Variants in NAV3 observed in about 807,000 individuals in gnomAD.
NAV3 encodes the protein neuron navigator 3, also known as pore membrane and/or filament interacting like protein 1.
Under a neutral mutation model 244.7 loss-of-function variants are expected in NAV3, and 87 were observed. The ratio of observed to expected loss-of-function variants is 0.36; its 90% confidence interval spans 0.30 to 0.42. The LOEUF is 0.42. Among genes scored for constraint, NAV3 ranks in the 20% least tolerant of loss-of-function variants. The pLI, the probability that NAV3 is intolerant of heterozygous loss-of-function variation, is 1.00. For synonymous variants in NAV3, 1,126 were observed against 1,042.2 expected (o/e 1.08, Z -1.55); for missense variants, 2,663 against 2,893.3 (o/e 0.92, Z 1.83).
chr12:77,839,017 T>C (rs541702009), intron 1 of NAV3, among the ~76,000 whole-genome samples: 1 of 152,342 alleles, frequency 6.6e-6, no homozygotes, highest in East Asian at 1.9e-4. Context: ...CAATGCATCA[T>C]TGGACCAAGA....
chr12:78,148,516 T>C (rs979471944), intron 21 of NAV3, among the ~76,000 whole-genome samples: 1 of 146,858 alleles, frequency 6.8e-6, no homozygotes, highest in African/African-American at 2.4e-5. Flanking sequence ...TTTTCTACAG[T>C]TTTATTACCA....
intron 2 of NAV3, among the ~76,000 whole-genome samples, chr12:77,745,201 A>T (rs1290003446): frequency 2.6e-5 from 4 of 152,098 alleles, no homozygotes; most frequent in Non-Finnish European, 5.9e-5. Flanking sequence ...CAAATTAGTC[A>T]TTAAAACCAA....
intron 22 of NAV3, among the ~76,000 whole-genome samples, chr12:78,152,678 G>A (rs952320217): frequency 1.3e-5 from 2 of 151,872 alleles, no homozygotes; most frequent in Non-Finnish European, 2.9e-5. Context: ...ATCTGTTAAT[G>A]TATGTAATAT....
intron 2 of NAV3, among the ~76,000 whole-genome samples, chr12:77,735,295 C>T (rs1455989442): frequency 2.0e-5 from 3 of 151,866 alleles, no homozygotes; most frequent in African/African-American, 7.3e-5. Context: ...AAATATTTGC[C>T]TCTGAGTATA....
At chr12:78,190,744 G>A (rs754205090) in intron 34 of NAV3, among the ~76,000 whole-genome samples, 1 of 152,092 alleles carries the variant, frequency 6.6e-6, no homozygotes, top group Non-Finnish European at 1.5e-5. Context: ...AGGAACCTTA[G>A]GAAAGTTAAC....
chr12:77,750,922 A>T (rs955440942), intron 2 of NAV3, among the ~76,000 whole-genome samples: 13 of 152,228 alleles, frequency 8.5e-5, no homozygotes, highest in Admixed American at 5.9e-4. Context: ...TTTGCTTAGA[A>T]TTGAAAATGA....
chr12:77,589,700 C>T (rs1869816318), intron 2 of NAV3, among the ~76,000 whole-genome samples: 1 of 152,220 alleles, frequency 6.6e-6, no homozygotes, highest in African/African-American at 2.4e-5. Context: ...AGTTCCCTCC[C>T]ACCACATGTG....
At chr12:77,931,502 T>G (rs1322027054) in intron 1 of NAV3, among the ~76,000 whole-genome samples, 1 of 152,146 alleles carries the variant, frequency 6.6e-6, no homozygotes, top group Non-Finnish European at 1.5e-5. Context: ...TATCTCCATT[T>G]TATTTCAGAG....
chr12:77,620,917 A>T (rs1029761678), intron 2 of NAV3, among the ~76,000 whole-genome samples: 2 of 152,244 alleles, frequency 1.3e-5, no homozygotes, highest in African/African-American at 4.8e-5. Context: ...GGAATTAATT[A>T]AAAGAGCTCA....
At chr12:78,053,599 T>C (rs1340494951) in intron 11 of NAV3, among the ~76,000 whole-genome samples, 1 of 152,146 alleles carries the variant, frequency 6.6e-6, no homozygotes, top group Non-Finnish European at 1.5e-5. Flanking sequence ...TGAAGACTGC[T>C]TGCAATTAGG....
chr12:77,630,144 T>C (rs1871822145), intron 2 of NAV3, among the ~76,000 whole-genome samples: 1 of 152,054 alleles, frequency 6.6e-6, no homozygotes, highest in Admixed American at 6.6e-5. Context: ...TAAAGTAAGA[T>C]AGGGAAGCTA....
intron 34 of NAV3, among the ~76,000 whole-genome samples, chr12:78,194,249 A>G (rs2139941885): frequency 6.6e-6 from 1 of 152,118 alleles, no homozygotes; most frequent in South Asian, 2.1e-4. Flanking sequence ...CACATATTAT[A>G]AGTTTATCCT....
chr12:77,723,243 A>C (rs547428592), intron 2 of NAV3, among the ~76,000 whole-genome samples: 4 of 148,374 alleles, frequency 2.7e-5, no homozygotes, highest in African/African-American at 9.7e-5. Context: ...TAAGCCCTAC[A>C]TTTTACAGAA....
At chr12:78,054,071 T>C (rs943738022) in intron 11 of NAV3, among the ~76,000 whole-genome samples, 2 of 152,126 alleles carry the variant, frequency 1.3e-5, no homozygotes, top group Non-Finnish European at 2.9e-5. Context: ...GGATAAAAAT[T>C]GAGCTAAGAG....
At chr12:77,579,455 A>C (rs1482834245) in intron 2 of NAV3, among the ~76,000 whole-genome samples, 1 of 152,224 alleles carries the variant, frequency 6.6e-6, no homozygotes, top group Non-Finnish European at 1.5e-5. Context: ...AGGTGCTGGC[A>C]CCTGGTGAGG....
Position 77,778,500 on chromosome 12 carries a change from T to A in NAV3, c.73-161819T>A, listed in dbSNP as rs190882361. On this transcript the variant is annotated intron_variant, in intron 2 of 8. Coordinates refer to the NAV3 transcript ENST00000550042. The stretch of plus-strand genomic sequence containing the variant: ...GGTGGCGGGTGCCTGTATTCCCAGC[T>A]ACTCGGGAGGCTGAGGCAGGAGAAT... Among the ~76,000 whole-genome samples, 1,256 of 150,482 alleles carry A rather than the reference T, an allele frequency of 8.3e-3. 17 individuals carry two copies. The highest frequency in any genetic ancestry group is 0.029 in the African/African-American group (1,183 of 40,866).
upstream of NAV3, among the ~76,000 whole-genome samples, chr12:77,830,540 T>C (rs1031414822): frequency 2.6e-5 from 4 of 152,260 alleles, no homozygotes; most frequent in Admixed American, 6.5e-5. Flanking sequence ...TTATTAAATT[T>C]GGGAACAATG....
chr12:77,779,498 G>A (rs770231315), intron 2 of NAV3, among the ~76,000 whole-genome samples: 1 of 152,144 alleles, frequency 6.6e-6, no homozygotes, highest in Non-Finnish European at 1.5e-5. Context: ...AATAAAGTAT[G>A]AATGGTTCCC....
intron 1 of NAV3, among the ~76,000 whole-genome samples, chr12:77,920,543 C>T (rs1887611204): frequency 6.6e-6 from 1 of 151,878 alleles, no homozygotes. Context: ...TCTGGAAATA[C>T]AATTAACTTG....
Sources: allele counts gnomAD v4.1 joint callset (sites outside exome capture counted in the v4.1 genomes callset), GRCh38; gene constraint gnomAD v4.1.1; transcripts MANE v1.5; gene names NCBI Gene and HGNC (gene_info 2026-07-23, HGNC 2026-07-21).